Variants in FAAH2 observed in about 807,000 individuals in gnomAD.
FAAH2 encodes fatty-acid amide hydrolase 2.
A neutral mutation model predicts 36.9 loss-of-function variants in FAAH2; 60 were observed. The observed-to-expected ratio is 1.63, with a 90% CI of 1.32 to 2.02. FAAH2 has a LOEUF of 2.02. FAAH2 is among the 30% of genes most tolerant of loss of function. FAAH2 has a pLI of 0.00. For synonymous variants in FAAH2, 214 were observed against 143.8 expected (o/e 1.49, Z -3.49); for missense variants, 689 against 397.5 (o/e 1.73, Z -6.23).
chrX:57,461,350 A>G (rs2056955155), intron 10 of FAAH2, among the ~76,000 whole-genome samples: 1 of 111,666 alleles, frequency 9.0e-6, no homozygotes, highest in Non-Finnish European at 1.9e-5. Context: ...AGCAGAATAC[A>G]TTCTTCCTAA....
the FAAH2 span, among the ~76,000 whole-genome samples, chrX:57,179,687 A>G: frequency 8.1e-5 from 9 of 111,758 alleles, no homozygotes; most frequent in African/African-American, 2.6e-4. Context: ...TCAGCAACCC[A>G]CTGACAGTAT....
At chrX:57,383,500 C>T (rs1482104389) in intron 7 of FAAH2, among the ~76,000 whole-genome samples, 1 of 111,732 alleles carries the variant, frequency 8.9e-6, no homozygotes, top group African/African-American at 3.3e-5. Flanking sequence ...AATCAATGTG[C>T]AAAAATCACA....
chrX:57,337,586 G>A (rs1158825954), intron 4 of FAAH2, among the ~76,000 whole-genome samples: 2 of 112,123 alleles, frequency 1.8e-5, no homozygotes, highest in African/African-American at 6.5e-5. Context: ...TCCCTACGAT[G>A]CAAGTTTGGC....
the FAAH2 span, among the ~76,000 whole-genome samples, chrX:57,216,541 T>C: frequency 1.0e-4 from 6 of 58,331 alleles, no homozygotes; most frequent in East Asian, 4.8e-4. Flanking sequence ...TATATATATA[T>C]ACGTATATGT....
At chrX:57,236,483 C>T in the FAAH2 span, among the ~76,000 whole-genome samples, 2 of 112,183 alleles carry the variant, frequency 1.8e-5, no homozygotes, top group East Asian at 2.8e-4. Flanking sequence ...TTCCTTTCTT[C>T]GTGTCCTTGA....
At chrX:57,129,917 C>A in the FAAH2 span, among the ~76,000 whole-genome samples, 1 of 112,311 alleles carries the variant, frequency 8.9e-6, no homozygotes, top group African/African-American at 3.2e-5. Context: ...TCAAAGTCAT[C>A]TATTTGCTAT....
the FAAH2 span, among the ~76,000 whole-genome samples, chrX:57,207,545 A>T: frequency 1.8e-5 from 2 of 112,271 alleles, no homozygotes; most frequent in Admixed American, 9.4e-5. Context: ...TGTGATTCCA[A>T]ATCCTCCTGT....
intron 3 of FAAH2, among the ~76,000 whole-genome samples, chrX:57,324,630 G>T (rs750200458): frequency 8.9e-6 from 1 of 111,785 alleles, no homozygotes; most frequent in African/African-American, 3.2e-5. Context: ...CTCATGATTT[G>T]GCTCTCTGTT....
At chrX:57,392,839 A>T in intron 7 of FAAH2, 1 of 696,802 alleles carries the variant, frequency 1.4e-6, no homozygotes. Flanking sequence ...TGAGACAAGG[A>T]CAAGTGTGTT....
At chrX:57,277,188 C>T in the FAAH2 span, among the ~76,000 whole-genome samples, 1 of 111,720 alleles carries the variant, frequency 9.0e-6, no homozygotes, top group South Asian at 3.8e-4. Flanking sequence ...AAAATACTGG[C>T]AAACCGATTC....
intron 5 of FAAH2, among the ~76,000 whole-genome samples, chrX:57,343,437 C>T (rs1023877695): frequency 9.0e-6 from 1 of 111,410 alleles, no homozygotes; most frequent in Non-Finnish European, 1.9e-5. Context: ...AGTGTCCATT[C>T]ATGTCATTTT....
At position 57,488,887 on chromosome X, in the gene FAAH2, C is replaced by G; in HGVS notation, c.1554C>G (p.Tyr518Ter). Residue 518 changes from tyrosine to a stop codon, truncating the protein, a stop_gained, in exon 11 of 11, where the codon TAC becomes TAG. Coordinates refer to ENST00000374900, the MANE Select transcript of FAAH2 (RefSeq NM_174912.4). LOFTEE classifies it high-confidence loss of function. ...ATCTGACCCTGGCTGTGGCCCAGTA[C>G]TTGGAGAAAACTTTTGGGGGCTGGG... is the stretch of plus-strand genomic sequence containing the variant. ...NDHLTLAVAQYLEKTFGGWVC... is the reference protein window; with the variant it reads ...NDHLTLAVAQ 2.5e-6 allele frequency: 3 copies of G among 1,210,708 alleles called. No individual in the cohort carries two copies. Among genetic ancestry groups the G allele is most frequent in the East Asian group, 5.9e-5 (2 of 33,756 alleles).
At chrX:57,271,072 A>G in the FAAH2 span, among the ~76,000 whole-genome samples, 1 of 112,576 alleles carries the variant, frequency 8.9e-6, no homozygotes, top group African/African-American at 3.2e-5. Flanking sequence ...GGAAACTAAA[A>G]TCCAGTGGCT....
chrX:57,427,894 T>C (rs1009410931), intron 7 of FAAH2, among the ~76,000 whole-genome samples: 1 of 111,603 alleles, frequency 9.0e-6, no homozygotes, highest in Non-Finnish European at 1.9e-5. Context: ...ATACTGGCAA[T>C]TGTAGCCAGG....
intron 2 of FAAH2, among the ~76,000 whole-genome samples, chrX:57,308,576 GT>G (rs1312344712): frequency 1.8e-5 from 2 of 111,563 alleles, no homozygotes; most frequent in African/African-American, 6.5e-5. Flanking sequence ...CTCCTATTCT[GT>G]AGGTTGTTTA....
the FAAH2 span, among the ~76,000 whole-genome samples, chrX:57,253,016 G>GA: frequency 1.9e-4 from 21 of 111,158 alleles, no homozygotes; most frequent in Admixed American, 1.8e-3. Flanking sequence ...TAAAAACCTT[G>GA]AAAAAAAGGT....
intron 1 of FAAH2, among the ~76,000 whole-genome samples, chrX:57,287,347 C>G (rs1468127098): frequency 1.8e-5 from 2 of 110,998 alleles, no homozygotes; most frequent in Non-Finnish European, 3.8e-5. Context: ...CTCTCTCTTT[C>G]TCTCTCCCTC....
chrX:57,406,839 G>T (rs2055578288), intron 7 of FAAH2, among the ~76,000 whole-genome samples: 2 of 112,397 alleles, frequency 1.8e-5, no homozygotes, highest in Non-Finnish European at 3.8e-5. Context: ...CATTCAGTGT[G>T]GATGGAGCCA....
At chrX:57,223,942 C>T in the FAAH2 span, among the ~76,000 whole-genome samples, 2 of 111,584 alleles carry the variant, frequency 1.8e-5, no homozygotes, top group Non-Finnish European at 3.8e-5. Flanking sequence ...GAAAAAATTA[C>T]GTCTGTCCTT....
Sources: gnomAD v4.1 joint callset for allele counts (sites outside exome capture counted in the v4.1 genomes callset) on GRCh38, gnomAD v4.1.1 for gene constraint, MANE v1.5 for transcripts, NCBI Gene and HGNC (gene_info 2026-07-23, HGNC 2026-07-21) for gene names.